ENTREP2: variants seen among roughly 807,000 people sequenced by gnomAD.
The protein encoded by ENTREP2 is endosomal transmembrane epsin interactor 2.
chr15:29,309,128 C>T, the ENTREP2 span, among the ~76,000 whole-genome samples: 5 of 152,092 alleles, frequency 3.3e-5, no homozygotes, highest in Non-Finnish European at 7.3e-5. Flanking sequence ...ATTCACAGGC[C>T]CAGCTGAAAA....
chr15:29,158,797 GTTA>G, the ENTREP2 span, among the ~76,000 whole-genome samples: 2 of 151,866 alleles, frequency 1.3e-5, no homozygotes, highest in Non-Finnish European at 2.9e-5. Flanking sequence ...GCTTTTTGAT[GTTA>G]TTAATGTTAT....
chr15:29,191,870 C>T, the ENTREP2 span, among the ~76,000 whole-genome samples: 17 of 152,262 alleles, frequency 1.1e-4, no homozygotes, highest in Non-Finnish European at 2.1e-4. Context: ...GCCGTGATCA[C>T]GCCACTGCAC....
At chr15:29,339,392 G>T in the ENTREP2 span, among the ~76,000 whole-genome samples, 1 of 152,190 alleles carries the variant, frequency 6.6e-6, no homozygotes, top group Non-Finnish European at 1.5e-5. Flanking sequence ...AGGTCTTTCT[G>T]GGGACAGACA....
At chr15:29,214,114 T>C in the ENTREP2 span, among the ~76,000 whole-genome samples, 1 of 152,178 alleles carries the variant, frequency 6.6e-6, no homozygotes, top group Non-Finnish European at 1.5e-5. Flanking sequence ...GTTCAACCAT[T>C]GTGGAAGACA....
At chr15:29,412,585 A>C in the ENTREP2 span, among the ~76,000 whole-genome samples, 1 of 152,064 alleles carries the variant, frequency 6.6e-6, no homozygotes, top group Non-Finnish European at 1.5e-5. Flanking sequence ...TTTTTCTATA[A>C]ATCTGTCCAT....
At chr15:29,252,522 G>A in the ENTREP2 span, 1 of 1,178,730 alleles carries the variant, frequency 8.5e-7, no homozygotes, top group Non-Finnish European at 1.2e-6. Context: ...ACTTGGAGAG[G>A]CTCAAAGGAA....
At chr15:29,166,725 T>C in the ENTREP2 span, among the ~76,000 whole-genome samples, 1 of 152,134 alleles carries the variant, frequency 6.6e-6, no homozygotes, top group Admixed American at 6.5e-5. Context: ...GAATCAATAC[T>C]GTGAAAATGA....
At chr15:29,222,122 A>G in the ENTREP2 span, among the ~76,000 whole-genome samples, 1 of 152,286 alleles carries the variant, frequency 6.6e-6, no homozygotes, top group African/African-American at 2.4e-5. Context: ...GGAGGTCAGC[A>G]CAAGATACAG....
the ENTREP2 span, among the ~76,000 whole-genome samples, chr15:29,489,150 G>GGAAA: frequency 0.039 from 5,863 of 151,584 alleles, 376 homozygotes; most frequent in African/African-American, 0.13. Flanking sequence ...TAAAACATGG[G>GGAAA]AAAAACTGGC....
the ENTREP2 span, among the ~76,000 whole-genome samples, chr15:29,402,735 A>C: frequency 6.6e-6 from 1 of 152,366 alleles, no homozygotes; most frequent in African/African-American, 2.4e-5. Flanking sequence ...AAATACATAA[A>C]GAAAATCAGC....
At chr15:29,545,275 G>A in the ENTREP2 span, among the ~76,000 whole-genome samples, 1 of 152,204 alleles carries the variant, frequency 6.6e-6, no homozygotes, top group Non-Finnish European at 1.5e-5. Flanking sequence ...ATTTACCAAA[G>A]AAGAAATGCA....
chr15:29,615,438 G>C, the ENTREP2 span, among the ~76,000 whole-genome samples: 1 of 152,250 alleles, frequency 6.6e-6, no homozygotes, highest in South Asian at 2.1e-4. Context: ...TTAGACGTGA[G>C]CCACAACGCC....
the ENTREP2 span, among the ~76,000 whole-genome samples, chr15:29,407,042 CAT>C: frequency 2.0e-5 from 3 of 152,318 alleles, no homozygotes; most frequent in African/African-American, 7.2e-5. Flanking sequence ...CACAGTCACA[CAT>C]GATTTAACAA....
the ENTREP2 span, among the ~76,000 whole-genome samples, chr15:29,670,505 A>G: frequency 2.0e-5 from 3 of 152,198 alleles, no homozygotes. Flanking sequence ...TCGACTTACA[A>G]TGCCACCACT....
the ENTREP2 span, among the ~76,000 whole-genome samples, chr15:29,205,338 A>C: frequency 6.6e-6 from 1 of 152,292 alleles, no homozygotes; most frequent in Admixed American, 6.5e-5. Context: ...AAATTCCCAG[A>C]AGGGGAATTG....
the ENTREP2 span, among the ~76,000 whole-genome samples, chr15:29,446,452 C>T: frequency 2.0e-4 from 30 of 152,108 alleles, no homozygotes; most frequent in African/African-American, 6.5e-4. Flanking sequence ...AAGACAGACA[C>T]GCTACTTGGA....
chr15:29,263,365 G>T, the ENTREP2 span, among the ~76,000 whole-genome samples: 2 of 152,212 alleles, frequency 1.3e-5, no homozygotes, highest in Non-Finnish European at 2.9e-5. Flanking sequence ...TGCAATAGCT[G>T]TTAAGTGGGA....
chr15:29,268,554 T>C, the ENTREP2 span: 1 of 448,854 alleles, frequency 2.2e-6, no homozygotes, highest in Non-Finnish European at 3.9e-6. Context: ...GCTAGCAAAA[T>C]TTTTTATACC....
the ENTREP2 span, among the ~76,000 whole-genome samples, chr15:29,327,508 T>C: frequency 2.1e-4 from 31 of 149,042 alleles, no homozygotes; most frequent in African/African-American, 7.2e-4. Context: ...GGCAGGAGAA[T>C]GGCGTGAACC....
Sources: allele counts gnomAD v4.1 joint callset (sites outside exome capture counted in the v4.1 genomes callset), GRCh38; gene constraint gnomAD v4.1.1; transcripts MANE v1.5; gene names NCBI Gene and HGNC (gene_info 2026-07-23, HGNC 2026-07-21).